The following FNBP4 variants were observed in gnomAD, a reference collection of about 807,000 sequenced individuals.
FNBP4 encodes the protein formin binding protein 4.
In FNBP4, 34 loss-of-function variants were observed where a neutral mutation model predicts 119.3. The observed-to-expected ratio is 0.28, with a 90% CI of 0.22 to 0.38. The LOEUF (loss-of-function observed/expected upper bound fraction) is 0.38. Ranked by LOEUF, FNBP4 falls within the 10% of genes least tolerant of loss-of-function variation. The pLI, the probability that FNBP4 is intolerant of heterozygous loss-of-function variation, is 1.00. For missense variants in FNBP4, 1,112 were observed against 1,228.9 expected (o/e 0.90, Z 1.42); for synonymous variants, 462 against 430.6 (o/e 1.07, Z -0.90).
intron 1 of FNBP4, among the ~76,000 whole-genome samples, chr11:47,765,567 CGG>C (rs34848619): frequency 0.025 from 900 of 36,272 alleles, 39 homozygotes; most frequent in Admixed American, 0.08. Context: ...GAGGCCAAGA[CGG>C]GGGGGGGGGG....
At chr11:47,753,331 C>G (rs1412760181) in intron 3 of FNBP4, among the ~76,000 whole-genome samples, 2 of 152,110 alleles carry the variant, frequency 1.3e-5, no homozygotes, top group African/African-American at 2.4e-5. Context: ...AAAAATTAGG[C>G]TGGGCACGGT....
intron 15 of FNBP4, among the ~76,000 whole-genome samples, chr11:47,721,118 G>C (rs896863443): frequency 6.6e-6 from 1 of 150,952 alleles, no homozygotes; most frequent in African/African-American, 2.4e-5. Context: ...TCAGGTGATC[G>C]AGACCATCCT....
In FNBP4 at chr11:47,752,935, A is replaced by G. The variant is rs776991854; in HGVS notation, c.618T>C (p.Thr206=). The G allele has an allele frequency of 6.2e-7, 1 of 1,613,406 alleles. No homozygotes were observed. Among genetic ancestry groups the G allele is most frequent in the East Asian group, 2.2e-5 (1 of 44,874 alleles). Residue 206 remains threonine, a synonymous_variant, in exon 4 of 17, where the codon ACT becomes ACC. Coordinates refer to ENST00000263773, the MANE Select transcript of FNBP4 (RefSeq NM_015308.5). The part of the protein sequence containing the change: ...STQTSGWQYD[T]QCSLAGVGIE... ...GTTTACCTCCTGCCAGTGAACACTGAGTATCATATTGCCAACCAGATGTTT... is the reference window on the plus strand; with the variant it reads ...GTTTACCTCCTGCCAGTGAACACTGGGTATCATATTGCCAACCAGATGTTT...
Position 47,743,122 on chromosome 11 carries a change from T to C in FNBP4, c.1456+831A>G, listed in dbSNP as rs1123210. Among the ~76,000 whole-genome samples, 1,021 of 152,272 alleles carry C rather than the reference T, an allele frequency of 6.7e-3. 38 individuals carry two copies. Among genetic ancestry groups the C allele is most frequent in the Admixed American group, 0.06 (919 of 15,260 alleles). ...TGGGCTGTTTTTGAACCACGATCCA[T>C]AAAAGTATTTTCTTCTAGGTGTACT... On this transcript the variant is annotated intron_variant, in intron 8 of 16. Transcript: ENST00000263773.
chr11:47,765,984 G>C (rs2097647051), intron 1 of FNBP4, among the ~76,000 whole-genome samples: 1 of 150,396 alleles, frequency 6.6e-6, no homozygotes, highest in African/African-American at 2.4e-5. Context: ...CCGTGCCCTG[G>C]AGTCTTTCAT....
At chr11:47,718,794 G>A (rs549170985) in intron 16 of FNBP4, among the ~76,000 whole-genome samples, 180 of 152,076 alleles carry the variant, frequency 1.2e-3, no homozygotes, top group African/African-American at 4.1e-3. Flanking sequence ...AATTGTACTT[G>A]CTGTGTCTAA....
chr11:47,732,404 T>C lies in FNBP4; in HGVS notation c.1820+133A>G. The C allele has an allele frequency of 1.3e-6, 2 of 1,520,416 alleles. No individual in the cohort carries two copies. The highest frequency in any genetic ancestry group is 8.8e-7 in the Non-Finnish European group (1 of 1,136,354). The allele number at this position is 1,520,416 out of a possible 1,614,324, so 94.2% of individuals were successfully genotyped here. On this transcript the variant is annotated intron_variant, in intron 11 of 16. Coordinates refer to ENST00000263773, the MANE Select transcript of FNBP4 (RefSeq NM_015308.5). The surrounding 1 kb of genome is among the most constrained non-coding windows in gnomAD (Gnocchi z 4.2). ...GGCCAAACTTTGTGCTTGCGGTGCTTTGCCTGCCCAGCACCGCTAACTGCA... is the reference window on the plus strand; with the variant it reads ...GGCCAAACTTTGTGCTTGCGGTGCTCTGCCTGCCCAGCACCGCTAACTGCA...
chr11:47,739,206 A>G (rs1489353555), intron 8 of FNBP4, among the ~76,000 whole-genome samples: 1 of 152,032 alleles, frequency 6.6e-6, no homozygotes, highest in Non-Finnish European at 1.5e-5. Context: ...TGCTGGGATT[A>G]AAGCTGAGCT....
chr11:47,728,683 C>T (rs147007250), intron 12 of FNBP4, among the ~76,000 whole-genome samples: 371 of 151,912 alleles, frequency 2.4e-3, no homozygotes, highest in Middle Eastern at 0.014. Context: ...ACCACATACT[C>T]GTGCTACCAA....
At chr11:47,736,911 A>C (rs565651573) in intron 8 of FNBP4, among the ~76,000 whole-genome samples, 171 bp from the exon 9 acceptor site, 2 of 152,284 alleles carry the variant, frequency 1.3e-5, no homozygotes, top group African/African-American at 4.8e-5. Context: ...TATATAACCC[A>C]AAAACAATTC....
chr11:47,734,362 C>T (rs1284230207), intron 9 of FNBP4, among the ~76,000 whole-genome samples: 1 of 152,110 alleles, frequency 6.6e-6, no homozygotes. Context: ...TACATAATCA[C>T]AATGCATTTT....
At chr11:47,731,803 G>A in intron 11 of FNBP4, 1 of 1,214,946 alleles carries the variant, frequency 8.2e-7, no homozygotes, top group African/African-American at 1.6e-5. Context: ...TCCAACAGAT[G>A]AGACTTAGAA....
At chr11:47,759,884 A>C (rs1051364522) in intron 2 of FNBP4, among the ~76,000 whole-genome samples, 1 of 152,142 alleles carries the variant, frequency 6.6e-6, no homozygotes, top group Non-Finnish European at 1.5e-5. Context: ...ACCCAGGAGG[A>C]GGTGGTTACA....
chr11:47,723,432 C>A, intron 14 of FNBP4, 116 bp from the exon 15 acceptor site: 2 of 1,460,808 alleles, frequency 1.4e-6, no homozygotes, highest in Middle Eastern at 2.2e-4. Context: ...ATATCCTTTT[C>A]TAAAAAGCAT....
At chr11:47,751,728 G>C (rs907476140) in intron 4 of FNBP4, among the ~76,000 whole-genome samples, 1 of 152,142 alleles carries the variant, frequency 6.6e-6, no homozygotes, top group Non-Finnish European at 1.5e-5. Flanking sequence ...AAGGTGGGCA[G>C]ATCACCTAAG....
Position 47,742,477 on chromosome 11 carries a change from C to CAAAAAAAAAAAAAAAAAAAA in FNBP4, c.1456+1456_1456+1475dup, listed in dbSNP as rs568784009. Among the ~76,000 whole-genome samples, 8 of 23,758 alleles carry CAAAAAAAAAAAAAAAAAAAA rather than the reference C, an allele frequency of 3.4e-4. 2 individuals are homozygous for CAAAAAAAAAAAAAAAAAAAA. Among genetic ancestry groups the CAAAAAAAAAAAAAAAAAAAA allele is most frequent in the African/African-American group, 9.3e-4 (6 of 6,482 alleles). 15.6% of individuals were successfully genotyped at this position (23,758 alleles called of 152,430 possible). On this transcript the variant is annotated intron_variant, in intron 8 of 16. Transcript: ENST00000263773. Reference sequence around the variant, plus strand: ...TGGGGGACAGAGCAAGACTCCGTCTCAAAAAAAAAAAAAAAAAAAAAAAAA... The same window carrying CAAAAAAAAAAAAAAAAAAAA: ...TGGGGGACAGAGCAAGACTCCGTCTCAAAAAAAAAAAAAAAAAAAAAAAAAAAAAAAAAAAAAAAAAAAAA...
chr11:47,766,050 T>C (rs899448737), intron 1 of FNBP4, among the ~76,000 whole-genome samples: 6 of 151,960 alleles, frequency 3.9e-5, no homozygotes, highest in African/African-American at 1.4e-4. Flanking sequence ...ATAAAAATTA[T>C]TAATACATCT....
chr11:47,756,443 G>C (rs1599251894), intron 2 of FNBP4, among the ~76,000 whole-genome samples: 1 of 152,112 alleles, frequency 6.6e-6, no homozygotes, highest in African/African-American at 2.4e-5. Context: ...TCACCTAAAA[G>C]TAAACATAAA....
At chr11:47,724,421 T>G (rs1037839005) in intron 13 of FNBP4, 47 bp downstream of exon 13, 2 of 1,613,244 alleles carry the variant, frequency 1.2e-6, no homozygotes, top group Non-Finnish European at 1.7e-6. Context: ...GTGTCAATCA[T>G]GTTCCAGTCC....
Sources: allele counts gnomAD v4.1 joint callset (sites outside exome capture counted in the v4.1 genomes callset), GRCh38; gene constraint gnomAD v4.1.1; non-coding constraint Gnocchi (gnomAD v3.1); transcripts MANE v1.5; gene names NCBI Gene and HGNC (gene_info 2026-07-23, HGNC 2026-07-21).